Variants in SWI5 observed in about 807,000 individuals in gnomAD.
SWI5 encodes DNA repair protein SWI5 homolog.
In SWI5, 12 loss-of-function variants were observed where a neutral mutation model predicts 17.0. The observed-to-expected ratio is 0.71, with a 90% CI of 0.45 to 1.14. The LOEUF (loss-of-function observed/expected upper bound fraction) is 1.14, where lower values mean the gene tolerates loss of function less well. Ranked by LOEUF, SWI5 falls within the 50% of genes most tolerant of loss-of-function variation. The pLI, the probability that SWI5 is intolerant of heterozygous loss-of-function variation, is 0.00. For synonymous variants in SWI5, 61 were observed against 64.0 expected, an observed-to-expected ratio of 0.95 and a Z score of 0.22; for missense variants, 158 against 162.2, an observed-to-expected ratio of 0.97 and a Z score of 0.14.
chr9:128,277,500 GC>G (rs1271839342), intron 2 of SWI5, among the ~76,000 whole-genome samples: 1 of 152,214 alleles, frequency 6.6e-6, no homozygotes, highest in African/African-American at 2.4e-5. Flanking sequence ...GTTGCAGTAA[GC>G]CGAGATTGCA....
In SWI5 at chr9:128,285,750, G is replaced by A. The variant is rs572552396; in HGVS notation, c.234-189G>A. Among the ~76,000 whole-genome samples the A allele has an allele frequency of 5.3e-5, 8 of 152,292 alleles. No individual in the cohort carries two copies. The highest frequency in any genetic ancestry group is 5.2e-4 in the Admixed American group (8 of 15,294). On this transcript the variant is annotated intron_variant, in intron 3 of 4. Coordinates refer to ENST00000418976, the Ensembl canonical transcript of SWI5. The surrounding 1 kb of genome is among the most constrained non-coding windows in gnomAD (Gnocchi z 4.8). Reference sequence around the variant, plus strand: ...GAGACAGGGCACATTTGCCAGGAGTGAGGACCTGGGAAGATCCCCTGCCCT... The same window carrying A: ...GAGACAGGGCACATTTGCCAGGAGTAAGGACCTGGGAAGATCCCCTGCCCT...
intron 4 of SWI5, 139 bp from the exon 5 acceptor site, chr9:128,288,513 C>A: frequency 1.2e-6 from 1 of 862,374 alleles, no homozygotes; most frequent in South Asian, 1.5e-5. Context: ...GCCAGTTAGG[C>A]AAGGCACAAG....
intron 2 of SWI5, 48 bp downstream of exon 2, chr9:128,276,803 T>C: frequency 6.4e-7 from 1 of 1,553,366 alleles, no homozygotes; most frequent in Non-Finnish European, 8.8e-7. Context: ...CGACCTTCCC[T>C]TGTGCGCTCC....
chr9:128,287,319 C>T (rs988501852), intron 4 of SWI5, among the ~76,000 whole-genome samples: 2 of 150,288 alleles, frequency 1.3e-5, no homozygotes, highest in Admixed American at 6.6e-5. Flanking sequence ...GTGGCACATG[C>T]CTGTAATCCC....
intron 2 of SWI5, among the ~76,000 whole-genome samples, chr9:128,277,409 C>T (rs1320327780): frequency 1.3e-5 from 2 of 152,066 alleles, no homozygotes; most frequent in Non-Finnish European, 2.9e-5. Flanking sequence ...AAAAAATCAG[C>T]CGAGCGTGGT....
intron 2 of SWI5, among the ~76,000 whole-genome samples, chr9:128,280,586 C>T (rs1213555876): frequency 2.0e-5 from 3 of 151,860 alleles, no homozygotes; most frequent in South Asian, 2.1e-4. Context: ...GGTGCAATCT[C>T]GGCTCACTGC....
rs1831630679 is a variant in SWI5, at chr9:128,285,919, C to T, written c.234-20C>T. ...TCTTAACTGGGCTGTCTTTCCCCCT[C>T]TCTCCATCGCTTATCCCAGAGGCTA... On this transcript the variant is annotated intron_variant, in intron 3 of 4. Coordinates refer to ENST00000418976, the Ensembl canonical transcript of SWI5. This position sits in a 1 kb window ranked among gnomAD's most constrained non-coding sequence, Gnocchi z 4.8. 7 of 1,582,074 alleles carry T rather than the reference C, an allele frequency of 4.4e-6. No homozygotes were observed. Among genetic ancestry groups the T allele is most frequent in the Middle Eastern group, 1.7e-4 (1 of 5,992 alleles).
chr9:128,278,004 G>A (rs1379266083), intron 2 of SWI5, among the ~76,000 whole-genome samples: 7 of 141,144 alleles, frequency 5.0e-5, no homozygotes, highest in African/African-American at 2.7e-5. Context: ...CCGGGCTGGA[G>A]TGCAATGGTG....
chr9:128,280,186 T>G (rs769315646), intron 2 of SWI5, among the ~76,000 whole-genome samples: 4 of 152,068 alleles, frequency 2.6e-5, no homozygotes, highest in Non-Finnish European at 4.4e-5. Context: ...GCCCACACAT[T>G]TCCGGGTGGC....
chr9:128,276,981 C>G (rs1024474163), intron 2 of SWI5, among the ~76,000 whole-genome samples: 2 of 152,010 alleles, frequency 1.3e-5, no homozygotes, highest in African/African-American at 4.8e-5. Context: ...AGGCTAACTC[C>G]TCTCCCTCCC....
upstream of SWI5, chr9:128,275,819 A>T: frequency 2.5e-6 from 2 of 786,726 alleles, no homozygotes; most frequent in Non-Finnish European, 4.1e-6. Flanking sequence ...GGAGTGGCAG[A>T]GACTCTGGCC....
At chr9:128,276,283 A>G (rs370181075) in exon 1 of SWI5, 7 of 1,612,164 alleles carry the variant, frequency 4.3e-6, no homozygotes, top group East Asian at 4.5e-5. Flanking sequence ...GCCAGTTCAC[A>G]CTCCGGGTCA....
chr9:128,286,939 A>G lies in SWI5; in HGVS notation c.328+906A>G, dbSNP rs147189216. Among the ~76,000 whole-genome samples, 4 of 151,948 alleles carry G rather than the reference A, an allele frequency of 2.6e-5. No individual in the cohort carries two copies. The East Asian group carries it at 7.7e-4, about 29-fold the overall frequency. ...GGTAAGTGGATCACCTGAGGTTGGG[A>G]TTTCAAGACCAGCCTGACCAACATG... On this transcript the variant is annotated intron_variant, in intron 4 of 4. Transcript: ENST00000418976.
intron 2 of SWI5, among the ~76,000 whole-genome samples, chr9:128,282,554 G>T (rs573771910): frequency 2.0e-5 from 3 of 152,140 alleles, no homozygotes; most frequent in Non-Finnish European, 4.4e-5. Flanking sequence ...GAACTTCATC[G>T]TTGGGCGCTT....
At chr9:128,275,930 T>C (rs1588497717), upstream of SWI5, 1 of 1,593,140 alleles carries the variant, frequency 6.3e-7, no homozygotes, top group East Asian at 2.3e-5. Flanking sequence ...CTGTCGGGTT[T>C]CTTCCGACAT....
rs188302910 is a variant in SWI5 at position 128,286,459 on chromosome 9, T to G, written c.328+426T>G. 1.8e-3 allele frequency: 291 copies of G among 165,862 alleles called. 5 individuals are homozygous for G. Among genetic ancestry groups the G allele is most frequent in the East Asian group, 5.0e-4 (3 of 6,008 alleles). The allele number at this position is 165,862 out of a possible 1,614,324, so 10.3% of individuals were successfully genotyped here. A position where few individuals can be genotyped will look rare whatever the true frequency, so the allele number is the denominator to read the frequency against. ...ACAAAATCTTGCTATCTAGAGGGCT[T>G]TAGCCGAGGCACCAACACCTGTATG... On this transcript the variant is annotated intron_variant, in intron 4 of 4. Transcript: ENST00000418976.
chr9:128,285,960 G>A lies in SWI5; in HGVS notation c.255G>A (p.Leu85=). The change falls in exon 4 of 5, where the codon CTG becomes CTA. Residue 85 remains leucine (L), a synonymous_variant. Transcript: ENST00000418976. This position sits in a 1 kb window ranked among gnomAD's most constrained non-coding sequence, Gnocchi z 4.8. ...CCAGAGGCTACAGTGTGGATGAACT[G>A]GAGGACCACATTACCCAGCTTCACG... 1 of 1,614,014 alleles carries A rather than the reference G, an allele frequency of 6.2e-7. No homozygotes were observed.
At chr9:128,277,057 G>A (rs556249165) in intron 2 of SWI5, among the ~76,000 whole-genome samples, 3 of 151,794 alleles carry the variant, frequency 2.0e-5, no homozygotes, top group Non-Finnish European at 4.4e-5. Context: ...TCTCCTCCTC[G>A]CTCTTTTCAC....
At chr9:128,286,788 A>G (rs887687141) in intron 4 of SWI5, among the ~76,000 whole-genome samples, 1 of 152,090 alleles carries the variant, frequency 6.6e-6, no homozygotes. Flanking sequence ...AGATGGATGA[A>G]AAGAGCGGGG....
Sources: allele counts gnomAD v4.1 joint callset (sites outside exome capture counted in the v4.1 genomes callset), GRCh38; gene constraint gnomAD v4.1.1; non-coding constraint Gnocchi (gnomAD v3.1); transcripts MANE v1.5; gene names NCBI Gene and HGNC (gene_info 2026-07-23, HGNC 2026-07-21).